TOX2: variants seen among roughly 807,000 people sequenced by gnomAD.
TOX2 encodes the protein granulosa cell HMG box 1.
In TOX2, 15 loss-of-function variants were observed where a neutral mutation model predicts 47.4. The observed-to-expected ratio is 0.32, with a 90% CI of 0.21 to 0.49. The LOEUF is 0.49. TOX2 is among the 20% of genes least tolerant of loss of function. The pLI is 0.99. For missense variants in TOX2, 622 were observed against 673.1 expected (o/e 0.92, Z 0.84); for synonymous variants, 290 against 296.6 (o/e 0.98, Z 0.23).
chr20:43,939,228 GC>G (rs2069369655), intron 1 of TOX2, among the ~76,000 whole-genome samples: 1 of 152,186 alleles, frequency 6.6e-6, no homozygotes, highest in Non-Finnish European at 1.5e-5. Context: ...TACTAGCTGT[GC>G]ACATCTAGTA....
At chr20:43,926,337 G>A (rs191871089) in intron 1 of TOX2, among the ~76,000 whole-genome samples, 13 of 152,256 alleles carry the variant, frequency 8.5e-5, no homozygotes, top group Admixed American at 4.6e-4. Flanking sequence ...TGCAAATCCA[G>A]ATGTTGGATC....
chr20:44,035,277 C>T (rs1250811448), intron 3 of TOX2, among the ~76,000 whole-genome samples: 1 of 152,244 alleles, frequency 6.6e-6, no homozygotes, highest in African/African-American at 2.4e-5. Context: ...GGCTCTCAGG[C>T]CTTTTGCTGT....
chr20:43,950,631 C>T (rs1399863571), intron 1 of TOX2, among the ~76,000 whole-genome samples: 2 of 152,222 alleles, frequency 1.3e-5, no homozygotes, highest in Admixed American at 6.5e-5. Context: ...CTCACTCCCT[C>T]ACCTCCTTCC....
rs185388766 is a variant in TOX2, at chr20:43,964,310, T to C, written c.100-9057T>C. 3.3e-3 allele frequency among the ~76,000 whole-genome samples: 510 copies of C among 152,308 alleles called. 2 individuals are homozygous for C. Among genetic ancestry groups the C allele is most frequent in the Non-Finnish European group, 5.9e-3 (402 of 68,024 alleles). ...CCTCTTCCATCTGTGCCGGGCTCTC[T>C]GCCTGCACCCCTCCCCCGGCATCTT... On this transcript the variant is annotated intron_variant, in intron 1 of 8. Coordinates refer to ENST00000341197, the MANE Select transcript of TOX2 (RefSeq NM_001098797.2).
chr20:44,032,095 G>A (rs1388482230), intron 3 of TOX2, among the ~76,000 whole-genome samples: 3 of 152,200 alleles, frequency 2.0e-5, no homozygotes, highest in Admixed American at 6.5e-5. Context: ...GGGCAGGGGA[G>A]CGGGTTGCAG....
chr20:43,992,326 C>G (rs1420245872), intron 2 of TOX2, among the ~76,000 whole-genome samples: 3 of 152,194 alleles, frequency 2.0e-5, no homozygotes, highest in African/African-American at 7.2e-5. Context: ...AGGACAGCAT[C>G]AGGAGTGATC....
intron 4 of TOX2, among the ~76,000 whole-genome samples, chr20:44,053,439 TAC>T (rs111951284): frequency 0.53 from 76,241 of 143,012 alleles, 21,046 homozygotes; most frequent in East Asian, 0.72. Flanking sequence ...GGCAGATATA[TAC>T]ACACACACAC....
intron 1 of TOX2, among the ~76,000 whole-genome samples, chr20:43,923,578 G>A (rs1050455592): frequency 6.6e-6 from 1 of 152,204 alleles, no homozygotes; most frequent in Non-Finnish European, 1.5e-5. Context: ...ACTAGAACGT[G>A]GCAGGATTGT....
At position 44,066,795 on chromosome 20, in the gene TOX2, C is replaced by T; in HGVS notation, c.1422C>T (p.Pro474=). Reference sequence around the variant, plus strand: ...CCTGCTCACCTGGCCCATCCAACCCCACCAGCAGCGGGGACTGGGACAGCA... The same window carrying T: ...CCTGCTCACCTGGCCCATCCAACCCTACCAGCAGCGGGGACTGGGACAGCA... The part of the protein sequence containing the change: ...SGSCSPGPSN[P]TSSGDWDSSY... Residue 474 remains proline (P), a synonymous_variant, in exon 8 of 9, where the codon CCC becomes CCT. Transcript: ENST00000341197. 6.2e-7 allele frequency: 1 copy of T among 1,614,224 alleles called. No homozygotes were observed. Among genetic ancestry groups the T allele is most frequent in the Non-Finnish European group, 8.5e-7 (1 of 1,180,032 alleles).
Position 44,006,706 on chromosome 20 carries a change from T to C in TOX2, c.325T>C (p.Ser109Pro), listed in dbSNP as rs140474064. The stretch of plus-strand genomic sequence containing the variant: ...CCCCAACGGTCTGCTCCCTGCCTAC[T>C]CCTATCAGGCCATGGACCTCCCAGC... ...LTPNGLLPAY[S>P]YQAMDLPAIM... is the part of the protein sequence containing the mutation. Residue 109 changes from serine (S) to proline (P), a missense_variant, in exon 3 of 9, where the codon TCC (serine) becomes CCC (proline). By Grantham distance (74) the Ser-to-Pro change is moderately conservative. Transcript: ENST00000341197. The C allele has an allele frequency of 1.9e-5, 30 of 1,613,884 alleles. No homozygotes were observed. The African/African-American group carries it at 3.1e-4, about 17-fold the overall frequency.
chr20:44,015,032 G>A (rs1299105915), intron 3 of TOX2, among the ~76,000 whole-genome samples: 1 of 152,144 alleles, frequency 6.6e-6, no homozygotes, highest in Non-Finnish European at 1.5e-5. Flanking sequence ...ATCCATCTTA[G>A]TCGAAGCAGG....
intron 2 of TOX2, among the ~76,000 whole-genome samples, chr20:43,977,259 C>A (rs1569055090): frequency 6.6e-6 from 1 of 152,208 alleles, no homozygotes; most frequent in Non-Finnish European, 1.5e-5. Context: ...CCTGCCACCA[C>A]ACCCAGCTGA....
intron 5 of TOX2, among the ~76,000 whole-genome samples, chr20:44,060,687 A>G (rs2071700881): frequency 6.6e-6 from 1 of 152,196 alleles, no homozygotes; most frequent in Non-Finnish European, 1.5e-5. Flanking sequence ...ATCAAGATGG[A>G]TATTATAAAA....
At chr20:43,981,819 C>T (rs766075487) in intron 2 of TOX2, among the ~76,000 whole-genome samples, 17 of 151,994 alleles carry the variant, frequency 1.1e-4, no homozygotes, top group South Asian at 1.0e-3. Flanking sequence ...GATTGAGAAG[C>T]GTGAGGTGAG....
chr20:43,968,963 T>C (rs962167824), intron 1 of TOX2, among the ~76,000 whole-genome samples: 1 of 152,274 alleles, frequency 6.6e-6, no homozygotes, highest in Non-Finnish European at 1.5e-5. Context: ...TTGAAGTTCA[T>C]GTGCATCTTT....
chr20:43,970,568 C>T (rs1001808788), intron 1 of TOX2, among the ~76,000 whole-genome samples: 2 of 152,140 alleles, frequency 1.3e-5, no homozygotes, highest in African/African-American at 4.8e-5. Flanking sequence ...CTTCATTAAA[C>T]TTAATGTTCC....
At chr20:44,033,221 T>C (rs1600761847) in intron 3 of TOX2, among the ~76,000 whole-genome samples, 1 of 152,096 alleles carries the variant, frequency 6.6e-6, no homozygotes, top group Non-Finnish European at 1.5e-5. Context: ...CTATTGGTTC[T>C]CTTTTCCTCT....
intron 5 of TOX2, among the ~76,000 whole-genome samples, chr20:44,058,002 A>T (rs1198559089): frequency 6.9e-6 from 1 of 145,590 alleles, no homozygotes; most frequent in Non-Finnish European, 1.5e-5. Context: ...GGCAGGAAGG[A>T]GGCAGGACTA....
In TOX2 at chr20:43,963,324, G is replaced by A. The variant is rs147789468; in HGVS notation, c.100-10043G>A. On this transcript the variant is annotated intron_variant, in intron 1 of 8. Transcript: ENST00000341197. Reference sequence around the variant, plus strand: ...TCCAAGCCAACTCTTGTTGGGGGTGGGGACAAGGGTCCTGAAGGGGCCCAC... The same window carrying A: ...TCCAAGCCAACTCTTGTTGGGGGTGAGGACAAGGGTCCTGAAGGGGCCCAC... Among the ~76,000 whole-genome samples the A allele has an allele frequency of 3.1e-3, 473 of 152,332 alleles. 4 individuals carry two copies. The highest frequency in any genetic ancestry group is 0.011 in the African/African-American group (450 of 41,556).
Sources: gnomAD v4.1 joint callset for allele counts (sites outside exome capture counted in the v4.1 genomes callset) on GRCh38, gnomAD v4.1.1 for gene constraint, MANE v1.5 for transcripts, NCBI Gene and HGNC (gene_info 2026-07-23, HGNC 2026-07-21) for gene names.